MAP3K5: variants seen among roughly 807,000 people sequenced by gnomAD.
The protein encoded by MAP3K5 is ASK-1.
MAP3K5 carries 56 observed loss-of-function variants against 158.7 expected under a neutral mutation model. That is an observed-to-expected ratio of 0.35 (90% CI 0.28 to 0.44). MAP3K5 has a LOEUF of 0.44. MAP3K5 is among the 20% of genes least tolerant of loss of function. The pLI is 1.00. For synonymous variants in MAP3K5, 579 were observed against 601.7 expected (o/e 0.96, Z 0.55); for missense variants, 1,294 against 1,674.8 (o/e 0.77, Z 3.97).
chr6:136,696,172 A>AGAATCC (rs1780593515), intron 5 of MAP3K5, 115 bp from the exon 6 acceptor site: 1 of 598,540 alleles, frequency 1.7e-6, no homozygotes, highest in Non-Finnish European at 2.9e-6. Flanking sequence ...AAAAGACACT[A>AGAATCC]GAATCCACAG....
intron 1 of MAP3K5, among the ~76,000 whole-genome samples, chr6:136,742,053 C>T (rs1782731431): frequency 6.6e-6 from 1 of 152,148 alleles, no homozygotes; most frequent in African/African-American, 2.4e-5. Context: ...TCAATGTTGT[C>T]AAGATGTCAG....
chr6:136,758,291 C>T (rs1395527503), intron 1 of MAP3K5, among the ~76,000 whole-genome samples: 1 of 152,126 alleles, frequency 6.6e-6, no homozygotes, highest in African/African-American at 2.4e-5. Context: ...CATAACAAAG[C>T]CTTGCAGTTT....
intron 13 of MAP3K5, 22 bp from the exon 14 acceptor site, chr6:136,637,428 G>A (rs1439898424): frequency 7.4e-7 from 1 of 1,343,844 alleles, no homozygotes; most frequent in Admixed American, 1.7e-5. Context: ...GTTAGCACGT[G>A]AGCATTCATA....
chr6:136,720,389 C>A (rs908314974), intron 2 of MAP3K5, 61 bp downstream of exon 2: 6 of 1,448,310 alleles, frequency 4.1e-6, no homozygotes, highest in Non-Finnish European at 5.5e-6. Flanking sequence ...GTTTGGATGA[C>A]AAACCGGTAT....
intron 20 of MAP3K5, among the ~76,000 whole-genome samples, chr6:136,601,483 G>T (rs1775872858): frequency 6.6e-6 from 1 of 152,124 alleles, no homozygotes; most frequent in Non-Finnish European, 1.5e-5. Context: ...TGGGGTTTCA[G>T]CTCTAAAAGG....
chr6:136,691,319 G>C (rs13197568), intron 7 of MAP3K5, among the ~76,000 whole-genome samples: 1 of 151,966 alleles, frequency 6.6e-6, no homozygotes, highest in Non-Finnish European at 1.5e-5. Flanking sequence ...AAAGTATCTG[G>C]ACCACTCAAG....
At chr6:136,618,045 T>C (rs1193383794) in intron 15 of MAP3K5, among the ~76,000 whole-genome samples, 1 of 152,220 alleles carries the variant, frequency 6.6e-6, no homozygotes, top group Non-Finnish European at 1.5e-5. Context: ...ATACTAAATC[T>C]ACCTCTTCCC....
intron 12 of MAP3K5, among the ~76,000 whole-genome samples, chr6:136,640,935 T>G (rs926341178): frequency 1.3e-5 from 2 of 152,192 alleles, no homozygotes; most frequent in Admixed American, 6.5e-5. Context: ...AATAGTAAGA[T>G]AGATAGTAGC....
chr6:136,739,883 T>A (rs113578612), intron 1 of MAP3K5, among the ~76,000 whole-genome samples: 3,293 of 152,302 alleles, frequency 0.022, 50 homozygotes, highest in Middle Eastern at 0.065. Context: ...GGTTGGGCCC[T>A]AAGCAAGCGG....
intron 18 of MAP3K5, among the ~76,000 whole-genome samples, chr6:136,606,208 G>A (rs576675778): frequency 2.0e-4 from 31 of 152,030 alleles, no homozygotes; most frequent in Non-Finnish European, 3.8e-4. Flanking sequence ...AAAATTAGCC[G>A]GGCTTGGTGG....
At chr6:136,783,862 C>T (rs1213122813) in intron 1 of MAP3K5, among the ~76,000 whole-genome samples, 1 of 151,196 alleles carries the variant, frequency 6.6e-6, no homozygotes, top group African/African-American at 2.4e-5. Context: ...GTTGGTACCT[C>T]ATGCTGGAGA....
chr6:136,785,731 C>G (rs1428151490), intron 1 of MAP3K5, among the ~76,000 whole-genome samples: 1 of 152,192 alleles, frequency 6.6e-6, no homozygotes, highest in South Asian at 2.1e-4. Context: ...ACAGCCCCAC[C>G]ACCTTCACCA....
intron 14 of MAP3K5, among the ~76,000 whole-genome samples, chr6:136,634,159 T>C (rs562272272): frequency 2.0e-5 from 3 of 152,326 alleles, no homozygotes; most frequent in East Asian, 1.9e-4. Context: ...AAAATAACTT[T>C]AATAAAGAAT....
chr6:136,731,894 G>C (rs1044824706), intron 1 of MAP3K5, among the ~76,000 whole-genome samples: 6 of 152,126 alleles, frequency 3.9e-5, no homozygotes, highest in Admixed American at 2.0e-4. Context: ...TACTTTAATG[G>C]GACAGAAAGA....
chr6:136,643,256 T>C (rs1778077510), intron 11 of MAP3K5, among the ~76,000 whole-genome samples: 1 of 152,188 alleles, frequency 6.6e-6, no homozygotes, highest in African/African-American at 2.4e-5. Context: ...AAAGCTAAGA[T>C]AAAATTATTA....
At position 136,656,433 on chromosome 6, in the gene MAP3K5, A is replaced by C; in HGVS notation, c.1554T>G (p.Ile518Met). The change falls in exon 10 of 30, where the codon ATT becomes ATG. Residue 518 changes from isoleucine (I) to methionine (M), a missense_variant. Transcript: ENST00000359015. ...GTTTCACAAAATGCTTATATATTAA[A>C]ATTGTCTCTACAATAGACTTGAGGT... ...AWYLKSIVET[I>M]LIYKHFVKLT... 1 of 1,599,256 alleles carries C rather than the reference A, an allele frequency of 6.3e-7. No homozygotes were observed. The highest frequency in any genetic ancestry group is 8.5e-7 in the Non-Finnish European group (1 of 1,174,372).
intron 1 of MAP3K5, among the ~76,000 whole-genome samples, chr6:136,765,988 T>C (rs889339491): frequency 6.6e-6 from 1 of 152,146 alleles, no homozygotes; most frequent in East Asian, 1.9e-4. Context: ...ATTCCTGCAC[T>C]AGGAACATAA....
At chr6:136,600,914 C>G in intron 21 of MAP3K5, 108 bp downstream of exon 21, 2 of 1,157,816 alleles carry the variant, frequency 1.7e-6, no homozygotes, top group Non-Finnish European at 2.6e-6. Flanking sequence ...CCTCCTTTCC[C>G]CCCATGTAAG....
At chr6:136,671,483 C>T (rs751092232) in intron 7 of MAP3K5, among the ~76,000 whole-genome samples, 18 of 152,062 alleles carry the variant, frequency 1.2e-4, no homozygotes, top group African/African-American at 2.9e-4. Flanking sequence ...AGGTATATTA[C>T]GAAAGAAATA....
Sources: allele counts gnomAD v4.1 joint callset (sites outside exome capture counted in the v4.1 genomes callset), GRCh38; gene constraint gnomAD v4.1.1; transcripts MANE v1.5; gene names NCBI Gene and HGNC (gene_info 2026-07-23, HGNC 2026-07-21).